The following LUZP1 variants were observed in gnomAD, a reference collection of about 807,000 sequenced individuals.
LUZP1 encodes the protein leucine zipper protein 1.
A neutral mutation model predicts 71.3 loss-of-function variants in LUZP1; 25 were observed. That is an observed-to-expected ratio of 0.35 (90% confidence interval 0.26 to 0.49). The LOEUF (loss-of-function observed/expected upper bound fraction) is 0.49. Ranked by LOEUF, LUZP1 falls within the 20% of genes least tolerant of loss-of-function variation. LUZP1 has a pLI of 0.99. For synonymous variants in LUZP1, 481 were observed against 506.4 expected (o/e 0.95, Z 0.67); for missense variants, 1,142 against 1,300.8 (o/e 0.88, Z 1.88).
At chr1:23,111,668 A>C (rs938701693) in intron 2 of LUZP1, among the ~76,000 whole-genome samples, 3 of 152,086 alleles carry the variant, frequency 2.0e-5, no homozygotes, top group African/African-American at 7.2e-5. Context: ...AAAAATAATC[A>C]ATGGAAGTTA....
intron 2 of LUZP1, among the ~76,000 whole-genome samples, chr1:23,113,886 G>GAA (rs933230247): frequency 9.2e-5 from 8 of 87,162 alleles, no homozygotes; most frequent in African/African-American, 3.4e-4. Flanking sequence ...CTCAAAAAAA[G>GAA]AAAAAAAAAA....
At position 23,093,767 on chromosome 1, in the gene LUZP1, T is replaced by C. The variant is rs924219641; in HGVS notation, c.495A>G (p.Leu165=). 1.2e-6 allele frequency: 2 copies of C among 1,613,888 alleles called. No individual in the cohort carries two copies. Among genetic ancestry groups the C allele is most frequent in the Non-Finnish European group, 1.7e-6 (2 of 1,180,050 alleles). Residue 165 remains leucine, a synonymous_variant, in exon 4 of 5, where the codon CTA becomes CTG. Coordinates refer to ENST00000302291, the Ensembl canonical transcript of LUZP1. The surrounding 1 kb of genome is among the most constrained non-coding windows in gnomAD (Gnocchi z 4.2). Reference sequence around the variant, plus strand: ...TATCCAGGCGGTCCTCAGAAGATTCTAGTTCTTTCACTTTGACTCTGAGCA... The same window carrying C: ...TATCCAGGCGGTCCTCAGAAGATTCCAGTTCTTTCACTTTGACTCTGAGCA...
At chr1:23,159,069 G>A (rs1644444261) in intron 2 of LUZP1, among the ~76,000 whole-genome samples, 2 of 152,052 alleles carry the variant, frequency 1.3e-5, no homozygotes, top group African/African-American at 4.8e-5. Context: ...GGCCAGGCAC[G>A]GTGGCTCAGG....
chr1:23,157,982 A>G (rs1437622876), intron 2 of LUZP1, among the ~76,000 whole-genome samples: 1 of 152,096 alleles, frequency 6.6e-6, no homozygotes, highest in African/African-American at 2.4e-5. Flanking sequence ...ACCGCACTCC[A>G]GCCTGGGCAA....
chr1:23,149,960 C>CAAAAAAAAAAAAAAA (rs66680455), intron 2 of LUZP1, among the ~76,000 whole-genome samples: 1 of 75,780 alleles, frequency 1.3e-5, no homozygotes, highest in Non-Finnish European at 2.3e-5. Context: ...GACTCCGTCT[C>CAAAAAAAAAAAAAAA]AAAAAAAAAA....
chr1:23,115,954 G>A (rs1014483470), intron 2 of LUZP1, among the ~76,000 whole-genome samples: 1 of 152,236 alleles, frequency 6.6e-6, no homozygotes. Context: ...CCTACGGAGA[G>A]AAAGTTGGCC....
intron 2 of LUZP1, among the ~76,000 whole-genome samples, chr1:23,150,728 A>G (rs1644377124): frequency 1.3e-5 from 2 of 152,288 alleles, no homozygotes; most frequent in South Asian, 4.1e-4. Flanking sequence ...GAAGACAAAC[A>G]TATCAAAAAA....
chr1:23,137,513 C>T (rs1424968409), intron 2 of LUZP1, among the ~76,000 whole-genome samples: 3 of 152,078 alleles, frequency 2.0e-5, no homozygotes, highest in African/African-American at 7.2e-5. Flanking sequence ...TGGTGGTAGG[C>T]ACCTGTAATC....
At chr1:23,118,612 GTTA>G (rs1273258086) in intron 2 of LUZP1, among the ~76,000 whole-genome samples, 1 of 152,162 alleles carries the variant, frequency 6.6e-6, no homozygotes, top group Non-Finnish European at 1.5e-5. Context: ...ATAAAACATG[GTTA>G]TTGTCATAGG....
intron 1 of LUZP1, among the ~76,000 whole-genome samples, chr1:23,172,271 AGAGT>A (rs926458849): frequency 1.3e-5 from 2 of 152,232 alleles, no homozygotes; most frequent in African/African-American, 4.8e-5. Context: ...GAAAAGAGTA[AGAGT>A]AAGTTGCCGA....
chr1:23,150,178 A>G (rs1644373475), intron 2 of LUZP1, among the ~76,000 whole-genome samples: 1 of 152,072 alleles, frequency 6.6e-6, no homozygotes. Context: ...AATGCAATGA[A>G]GAAGAAAACT....
intron 2 of LUZP1, among the ~76,000 whole-genome samples, chr1:23,117,647 G>C (rs1644096060): frequency 6.6e-6 from 1 of 151,982 alleles, no homozygotes; most frequent in Non-Finnish European, 1.5e-5. Context: ...GGGCAAGGAA[G>C]ATGCCCAAGT....
chr1:23,138,060 T>G (rs1644268856), intron 2 of LUZP1, among the ~76,000 whole-genome samples: 1 of 152,206 alleles, frequency 6.6e-6, no homozygotes, highest in South Asian at 2.1e-4. Context: ...AACCTCTACC[T>G]CCCAGGTTCA....
intron 3 of LUZP1, among the ~76,000 whole-genome samples, chr1:23,104,836 AGAGGCT>A (rs1643967608): frequency 6.6e-6 from 1 of 152,220 alleles, no homozygotes; most frequent in African/African-American, 2.4e-5. Context: ...CCTTTATGCC[AGAGGCT>A]GAAATGCAGG....
chr1:23,098,701 C>A (rs12073334), intron 3 of LUZP1, among the ~76,000 whole-genome samples: 6,155 of 152,182 alleles, frequency 0.04, 424 homozygotes, highest in African/African-American at 0.14. Flanking sequence ...ATTTAAAAAT[C>A]AAGGACAAGA....
At chr1:23,098,833 G>C (rs1643910586) in intron 3 of LUZP1, among the ~76,000 whole-genome samples, 1 of 152,166 alleles carries the variant, frequency 6.6e-6, no homozygotes, top group Non-Finnish European at 1.5e-5. Context: ...ATTGGGCCTG[G>C]AGGAGACGCC....
At chr1:23,131,906 G>A (rs1000167923) in intron 2 of LUZP1, among the ~76,000 whole-genome samples, 10 of 152,066 alleles carry the variant, frequency 6.6e-5, no homozygotes, top group Admixed American at 3.9e-4. Context: ...GGCTAGTCTC[G>A]AACTCCTGAC....
rs1413338421 is a variant in LUZP1, at chr1:23,093,046, C to T, written c.1216G>A (p.Glu406Lys). Reference sequence around the variant, plus strand: ...TAGTTTTCATTGTTGAGAGCAAACTCCCTGTTCCGGAGTCGTTCCCGCTTA... The same window carrying T: ...TAGTTTTCATTGTTGAGAGCAAACTTCCTGTTCCGGAGTCGTTCCCGCTTA... Residue 406 changes from glutamate to lysine, a missense_variant, in exon 4 of 5, where the codon GAG becomes AAG. Physicochemically the swap from Glu to Lys is moderately conservative, Grantham distance 56 (BLOSUM62 1). Transcript: ENST00000302291. This position sits in a 1 kb window ranked among gnomAD's most constrained non-coding sequence, Gnocchi z 4.2. The T allele has an allele frequency of 6.2e-7, 1 of 1,614,176 alleles. No individual in the cohort carries two copies. Among genetic ancestry groups the T allele is most frequent in the East Asian group, 2.2e-5 (1 of 44,880 alleles).
chr1:23,139,009 AAAAAAAAAAAATATATAT>A (rs1421380106), intron 2 of LUZP1, among the ~76,000 whole-genome samples: 1 of 99,376 alleles, frequency 1.0e-5, no homozygotes, highest in Non-Finnish European at 1.9e-5. Context: ...AAAAAAAAAA[AAAAAAAAAAAATATATAT>A]ATATATATAT....
Sources: allele counts gnomAD v4.1 joint callset (sites outside exome capture counted in the v4.1 genomes callset), GRCh38; gene constraint gnomAD v4.1.1; non-coding constraint Gnocchi (gnomAD v3.1); transcripts MANE v1.5; gene names NCBI Gene and HGNC (gene_info 2026-07-23, HGNC 2026-07-21).